ADCY2: variants seen among roughly 807,000 people sequenced by gnomAD.
ADCY2 encodes the protein adenylate cyclase 2.
Under a neutral mutation model 125.2 loss-of-function variants are expected in ADCY2, and 31 were observed. That is an observed-to-expected ratio of 0.25 (90% CI 0.19 to 0.33). ADCY2 has a LOEUF of 0.33. Among genes scored for constraint, ADCY2 ranks in the 10% least tolerant of loss-of-function variants. The probability of loss-of-function intolerance (pLI) is 1.00; values close to 1 mark genes in which losing one functional copy is unlikely to be tolerated. For synonymous variants in ADCY2, 512 were observed against 548.4 expected (o/e 0.93, Z 0.93); for missense variants, 904 against 1,418.2 (o/e 0.64, Z 5.82).
intron 2 of ADCY2, among the ~76,000 whole-genome samples, chr5:7,510,536 T>C (rs72709178): frequency 0.16 from 24,544 of 152,142 alleles, 2,127 homozygotes; most frequent in African/African-American, 0.2. Flanking sequence ...AGTTCCCAGG[T>C]GTGGCTAGGC....
intron 2 of ADCY2, among the ~76,000 whole-genome samples, chr5:7,501,339 C>T (rs1253508379): frequency 2.0e-5 from 3 of 152,118 alleles, no homozygotes; most frequent in African/African-American, 7.2e-5. Context: ...CTTAAGCATG[C>T]AGAAGGATTT....
chr5:7,417,862 A>G (rs13356161), intron 2 of ADCY2, among the ~76,000 whole-genome samples: 48,326 of 151,938 alleles, frequency 0.32, 8,462 homozygotes, highest in African/African-American at 0.45. Context: ...TCCTATCCTT[A>G]CCCTTAGCAG....
chr5:7,617,685 G>A (rs1357532493), intron 3 of ADCY2, among the ~76,000 whole-genome samples: 1 of 152,134 alleles, frequency 6.6e-6, no homozygotes, highest in Non-Finnish European at 1.5e-5. Flanking sequence ...AGAGTATGGT[G>A]CCAATGAGTT....
intron 2 of ADCY2, among the ~76,000 whole-genome samples, chr5:7,449,345 G>C (rs1180381356): frequency 6.6e-6 from 1 of 152,156 alleles, no homozygotes; most frequent in Admixed American, 6.5e-5. Context: ...ACAAAAACAT[G>C]ATTCTTCTTA....
Position 7,512,218 on chromosome 5 carries a change from C to CAAAAAAAAAA in ADCY2, c.409-8507_409-8498dup, listed in dbSNP as rs57381383. 5.1e-3 allele frequency among the ~76,000 whole-genome samples: 293 copies of CAAAAAAAAAA among 57,796 alleles called. 22 individuals are homozygous for CAAAAAAAAAA. The highest frequency in any genetic ancestry group is 6.1e-3 in the Non-Finnish European group (216 of 35,394). The allele number at this position is 57,796 out of a possible 152,430, so 37.9% of individuals were successfully genotyped here. ...CCTGGGCAGTAGAGCATGACTCCAT[C>CAAAAAAAAAA]AAAAAAAAAAAAAAAAAAAAAAGAA... On this transcript the variant is annotated intron_variant, in intron 2 of 24. Transcript: ENST00000338316.
chr5:7,710,443 T>C (rs1253003919), intron 10 of ADCY2, among the ~76,000 whole-genome samples: 2 of 152,098 alleles, frequency 1.3e-5, no homozygotes, highest in Non-Finnish European at 2.9e-5. Context: ...ATGAGGGCCA[T>C]GAGGAAGATA....
At chr5:7,507,882 C>T (rs1216970350) in intron 2 of ADCY2, among the ~76,000 whole-genome samples, 2 of 151,766 alleles carry the variant, frequency 1.3e-5, no homozygotes, top group Non-Finnish European at 2.9e-5. Flanking sequence ...TGACTTTAGG[C>T]GACTACTTAA....
chr5:7,592,759 A>G (rs541750403), intron 3 of ADCY2, among the ~76,000 whole-genome samples: 1 of 152,334 alleles, frequency 6.6e-6, no homozygotes, highest in East Asian at 1.9e-4. Context: ...AAGTTTTGGA[A>G]TAAATTAAAT....
intron 3 of ADCY2, among the ~76,000 whole-genome samples, chr5:7,581,115 C>T (rs1158596176): frequency 6.6e-6 from 1 of 151,938 alleles, no homozygotes; most frequent in Non-Finnish European, 1.5e-5. Context: ...AGTTGGATTG[C>T]CAGGAAAGAA....
chr5:7,467,331 C>T (rs961553381), intron 2 of ADCY2, among the ~76,000 whole-genome samples: 4 of 152,208 alleles, frequency 2.6e-5, no homozygotes, highest in Non-Finnish European at 5.9e-5. Flanking sequence ...GCTCCCTCTT[C>T]TCCTACACTT....
intron 2 of ADCY2, among the ~76,000 whole-genome samples, chr5:7,511,776 G>A (rs934915430): frequency 6.6e-6 from 1 of 151,952 alleles, no homozygotes; most frequent in Admixed American, 6.6e-5. Context: ...AGTTGCTCAG[G>A]GACCAGCAGG....
rs1744614694 is a variant in ADCY2, at chr5:7,802,084, G to C, written c.2629-134G>C. On this transcript the variant is annotated intron_variant, in intron 20 of 24. Coordinates refer to ENST00000338316, the MANE Select transcript of ADCY2 (RefSeq NM_020546.3). This position sits in a 1 kb window ranked among gnomAD's most constrained non-coding sequence, Gnocchi z 4.6. ...GCAGCATCTGGATTGGGCCGCGGCT[G>C]GGGTGGGGCAAGTGGAGTAGGCATT... is the stretch of plus-strand genomic sequence containing the variant. 1 of 977,046 alleles carries C rather than the reference G, an allele frequency of 1.0e-6. No individual in the cohort carries two copies. 60.5% of individuals were successfully genotyped at this position (977,046 alleles called of 1,614,324 possible).
chr5:7,493,155 G>A (rs1026069322), intron 2 of ADCY2, among the ~76,000 whole-genome samples: 4 of 152,150 alleles, frequency 2.6e-5, no homozygotes, highest in African/African-American at 9.7e-5. Context: ...GAAAGCAGAA[G>A]TAAAGTAAGA....
At chr5:7,628,774 T>G (rs1738213941) in intron 4 of ADCY2, among the ~76,000 whole-genome samples, 1 of 152,114 alleles carries the variant, frequency 6.6e-6, no homozygotes, top group Non-Finnish European at 1.5e-5. Context: ...GTTTGTACTT[T>G]TCTCAGACCA....
At chr5:7,649,586 C>A (rs549482838) in intron 4 of ADCY2, among the ~76,000 whole-genome samples, 1 of 152,160 alleles carries the variant, frequency 6.6e-6, no homozygotes, top group Non-Finnish European at 1.5e-5. Flanking sequence ...CTTGCCTGAC[C>A]CCTCTGAAGG....
rs533800923 is a variant in ADCY2, at chr5:7,490,182, CT to C, written c.409-30551del. On this transcript the variant is annotated intron_variant, in intron 2 of 24. Coordinates refer to ENST00000338316, the MANE Select transcript of ADCY2 (RefSeq NM_020546.3). ...AAAATATACATAATTGACATTAGTT[CT>C]TTTTCTTATTACAACTAGTAGGTGT... Among the ~76,000 whole-genome samples, 80 of 152,098 alleles carry C rather than the reference CT, an allele frequency of 5.3e-4. No homozygotes were observed. The East Asian group carries it at 0.014, about 27-fold the overall frequency.
chr5:7,627,081 C>T (rs1738157724), intron 4 of ADCY2, among the ~76,000 whole-genome samples: 1 of 152,100 alleles, frequency 6.6e-6, no homozygotes, highest in East Asian at 1.9e-4. Context: ...AAGTACGAGC[C>T]TCCCCCTCAT....
intron 2 of ADCY2, among the ~76,000 whole-genome samples, chr5:7,481,922 T>C (rs972098818): frequency 6.6e-6 from 1 of 152,134 alleles, no homozygotes; most frequent in African/African-American, 2.4e-5. Context: ...TGTTTTTCTT[T>C]AGTAGTTTTA....
At position 7,695,677 on chromosome 5, in the gene ADCY2, GA is replaced by G. The variant is rs1740867170; in HGVS notation, c.870-70del. ...TAAGCAAAATTACATGATTTTAATG[GA>G]AAAATTATTATTACTTTCTTAAAAA... On this transcript the variant is annotated intron_variant, in intron 5 of 24. Coordinates refer to ENST00000338316, the MANE Select transcript of ADCY2 (RefSeq NM_020546.3). 4.6e-6 allele frequency: 4 copies of G among 876,232 alleles called. No individual in the cohort carries two copies. In the East Asian group the frequency reaches 1.2e-4, roughly 26 times the overall value. 54.3% of individuals were successfully genotyped at this position (876,232 alleles called of 1,614,324 possible).
Sources: allele counts gnomAD v4.1 joint callset (sites outside exome capture counted in the v4.1 genomes callset), GRCh38; gene constraint gnomAD v4.1.1; non-coding constraint Gnocchi (gnomAD v3.1); transcripts MANE v1.5; gene names NCBI Gene and HGNC (gene_info 2026-07-23, HGNC 2026-07-21).